Variants in MKLN1 observed in about 807,000 individuals in gnomAD.
The protein encoded by MKLN1 is muskelin.
In MKLN1, 18 loss-of-function variants were observed where a neutral mutation model predicts 99.0. That is an observed-to-expected ratio of 0.18 (90% CI 0.13 to 0.27). MKLN1 has a LOEUF of 0.27. Ranked by LOEUF, MKLN1 falls within the 10% of genes least tolerant of loss-of-function variation. The pLI is 1.00. For missense variants in MKLN1, 621 were observed against 875.9 expected (o/e 0.71, Z 3.67); for synonymous variants, 288 against 293.2 (o/e 0.98, Z 0.18).
rs149293757 is a variant in MKLN1, at chr7:131,218,009, T to A, written c.-179+15035T>A. Among the ~76,000 whole-genome samples, 1,419 of 151,720 alleles carry A rather than the reference T, an allele frequency of 9.4e-3. 16 individuals are homozygous for A. Among genetic ancestry groups the A allele is most frequent in the Middle Eastern group, 0.027 (8 of 292 alleles). On this transcript the variant is annotated intron_variant, in intron 3 of 7. Coordinates refer to the MKLN1 transcript ENST00000416992. The stretch of plus-strand genomic sequence containing the variant: ...CTCCCCAAGAATGTGAGGGCTAGGG[T>A]TTTTCCAGGATAGTTTGGCAGGCAG...
intron 1 of MKLN1, among the ~76,000 whole-genome samples, chr7:131,136,262 A>G (rs1795647406): frequency 6.6e-6 from 1 of 152,240 alleles, no homozygotes; most frequent in Admixed American, 6.5e-5. Flanking sequence ...AGTGAGCAGC[A>G]CCAAGTCTGC....
At chr7:131,117,852 T>G (rs1175822710) in intron 1 of MKLN1, among the ~76,000 whole-genome samples, 1 of 152,172 alleles carries the variant, frequency 6.6e-6, no homozygotes. Context: ...TAGTGGGTTA[T>G]GGAGAGGGAG....
chr7:131,340,467 C>T (rs185672738), intron 1 of MKLN1, among the ~76,000 whole-genome samples: 17 of 151,898 alleles, frequency 1.1e-4, no homozygotes, highest in African/African-American at 3.9e-4. Context: ...TTAGTAGAGG[C>T]GGAGTTTCAT....
chr7:131,443,626 T>C lies in MKLN1; in HGVS notation c.1319T>C (p.Leu440Pro). 1 of 1,614,186 alleles carries C rather than the reference T, an allele frequency of 6.2e-7. No individual in the cohort carries two copies. The highest frequency in any genetic ancestry group is 8.5e-7 in the Non-Finnish European group (1 of 1,179,998). Reference protein sequence around the residue: ...AFNCQCQTWKLLREDSCNAGP... With the variant: ...AFNCQCQTWKPLREDSCNAGP... ...AACTGTCAATGTCAAACCTGGAAAC[T>C]TCTTCGAGAGGACTCCTGTAATGCT... Residue 440 changes from leucine to proline, a missense_variant, in exon 11 of 18, where the codon CTT (leucine) becomes CCT (proline). Leu to Pro is a moderately conservative substitution (Grantham distance 98). This residue lies in a region of MKLN1 where 361 missense variants were observed against 540.8 expected (regional missense o/e 0.67). Transcript: ENST00000352689.
At chr7:131,334,354 C>CTGAG (rs1799189341) in intron 1 of MKLN1, among the ~76,000 whole-genome samples, 1 of 152,132 alleles carries the variant, frequency 6.6e-6, no homozygotes, top group East Asian at 1.9e-4. Flanking sequence ...TGTTTGGGAA[C>CTGAG]CTTACTGGCC....
intron 1 of MKLN1, among the ~76,000 whole-genome samples, chr7:131,363,587 C>T (rs1047584055): frequency 6.6e-6 from 1 of 152,040 alleles, no homozygotes; most frequent in Non-Finnish European, 1.5e-5. Context: ...GATGTGTTAT[C>T]TAACTTTACT....
intron 8 of MKLN1, among the ~76,000 whole-genome samples, chr7:131,420,546 A>G (rs746582031): frequency 2.0e-5 from 3 of 152,246 alleles, no homozygotes; most frequent in Non-Finnish European, 4.4e-5. Context: ...TGAGATGCCA[A>G]TTAGACATCT....
intron 1 of MKLN1, among the ~76,000 whole-genome samples, chr7:131,362,132 C>T (rs191786394): frequency 5.9e-5 from 9 of 151,928 alleles, no homozygotes; most frequent in Admixed American, 1.3e-4. Context: ...GTATAAAATA[C>T]CTGTTTATTG....
intron 3 of MKLN1, among the ~76,000 whole-genome samples, chr7:131,312,999 C>T (rs1246237062): frequency 6.6e-6 from 1 of 152,148 alleles, no homozygotes; most frequent in East Asian, 1.9e-4. Context: ...AATCCAAAGA[C>T]ATAAGCTCAT....
intron 1 of MKLN1, among the ~76,000 whole-genome samples, chr7:131,360,088 T>C (rs1011017952): frequency 2.6e-5 from 4 of 152,158 alleles, no homozygotes; most frequent in Non-Finnish European, 5.9e-5. Context: ...CTTGATCTTA[T>C]GTTTGCTTTG....
intron 2 of MKLN1, among the ~76,000 whole-genome samples, chr7:131,378,268 C>A (rs1054530415): frequency 1.3e-5 from 2 of 152,078 alleles, no homozygotes; most frequent in African/African-American, 4.8e-5. Flanking sequence ...TGCACCACCA[C>A]GCCCAGCTAA....
intron 17 of MKLN1, among the ~76,000 whole-genome samples, chr7:131,481,297 A>C (rs1732822334): frequency 6.6e-6 from 1 of 152,222 alleles, no homozygotes; most frequent in South Asian, 2.1e-4. Context: ...TAATGGGAAT[A>C]CTTACCTCAA....
intron 10 of MKLN1, 40 bp downstream of exon 10, chr7:131,438,037 G>A: frequency 6.9e-7 from 1 of 1,442,164 alleles, no homozygotes; most frequent in African/African-American, 1.4e-5. Context: ...ATTAATCAGT[G>A]CTTAGTGATT....
chr7:131,159,254 C>A (rs2116308230), intron 2 of MKLN1, among the ~76,000 whole-genome samples: 1 of 152,170 alleles, frequency 6.6e-6, no homozygotes, highest in Non-Finnish European at 1.5e-5. Context: ...GGGTGGGGGA[C>A]AGGCTGATCA....
At chr7:131,345,071 G>A (rs1291497842) in intron 1 of MKLN1, among the ~76,000 whole-genome samples, 1 of 152,208 alleles carries the variant, frequency 6.6e-6, no homozygotes, top group African/African-American at 2.4e-5. Context: ...CTCCCAAAGT[G>A]CTGGGATTAC....
At chr7:131,264,773 A>G (rs1797783462) in intron 3 of MKLN1, among the ~76,000 whole-genome samples, 1 of 152,156 alleles carries the variant, frequency 6.6e-6, no homozygotes, top group Non-Finnish European at 1.5e-5. Flanking sequence ...ACCTTAGGAT[A>G]CTAGACTAAC....
rs1333630227 is a variant in MKLN1 at position 131,488,873 on chromosome 7, T to C, written c.*1145T>C. ...TATTTTTTCATTAAAAAACAAGGTATGGCAGATGGACTTTTCCATGGGTCA... is the reference window on the plus strand; with the variant it reads ...TATTTTTTCATTAAAAAACAAGGTACGGCAGATGGACTTTTCCATGGGTCA... On this transcript the variant is annotated 3_prime_UTR_variant, in exon 18 of 18. Transcript: ENST00000352689. The C allele has an allele frequency of 6.6e-6, 1 of 152,172 alleles. No individual in the cohort carries two copies. Among genetic ancestry groups the C allele is most frequent in the East Asian group, 1.9e-4 (1 of 5,200 alleles). The allele number at this position is 152,172 out of a possible 1,614,324, so 9.4% of individuals were successfully genotyped here.
chr7:131,409,588 C>T (rs192568435), intron 6 of MKLN1, among the ~76,000 whole-genome samples: 7 of 152,266 alleles, frequency 4.6e-5, no homozygotes, highest in Non-Finnish European at 1.0e-4. Flanking sequence ...AACTGAGCTT[C>T]ATAATTACCC....
At chr7:131,305,233 T>A (rs1798437151) in intron 3 of MKLN1, among the ~76,000 whole-genome samples, 1 of 152,216 alleles carries the variant, frequency 6.6e-6, no homozygotes, top group Admixed American at 6.5e-5. Flanking sequence ...TGAAACCCCT[T>A]CCTAACAATT....
Sources: gnomAD v4.1 joint callset for allele counts (sites outside exome capture counted in the v4.1 genomes callset) on GRCh38, gnomAD v4.1.1 for gene constraint, gnomAD v4.1.1 regional missense constraint, MANE v1.5 for transcripts, NCBI Gene and HGNC (gene_info 2026-07-23, HGNC 2026-07-21) for gene names.